The following HMGN3 variants were observed in gnomAD, a reference collection of about 807,000 sequenced individuals.
HMGN3 encodes the protein high mobility group nucleosomal binding domain 3.
A neutral mutation model predicts 18.8 loss-of-function variants in HMGN3; 6 were observed. The ratio of observed to expected loss-of-function variants is 0.32; its 90% confidence interval spans 0.18 to 0.63. The LOEUF (loss-of-function observed/expected upper bound fraction) is 0.63. Among genes scored for constraint, HMGN3 ranks in the 30% least tolerant of loss-of-function variants. HMGN3 has a pLI of 0.79. For synonymous variants in HMGN3, 40 were observed against 36.5 expected (o/e 1.10, Z -0.35); for missense variants, 107 against 114.2 (o/e 0.94, Z 0.29).
intron 1 of HMGN3, among the ~76,000 whole-genome samples, chr6:79,221,881 T>C (rs1287808728): frequency 1.3e-5 from 2 of 151,940 alleles, no homozygotes; most frequent in Middle Eastern, 3.4e-3. Context: ...AAAACCTTCA[T>C]TGGTACATGT....
intron 5 of HMGN3, chr6:79,202,106 G>A: frequency 6.5e-7 from 1 of 1,541,494 alleles, no homozygotes; most frequent in Non-Finnish European, 8.7e-7. Context: ...TGTGCTGGGT[G>A]GGGTGCCTCT....
chr6:79,217,547 T>G (rs186028582), intron 1 of HMGN3, among the ~76,000 whole-genome samples: 3 of 152,340 alleles, frequency 2.0e-5, no homozygotes, highest in Non-Finnish European at 4.4e-5. Context: ...GTCTTCTAAA[T>G]TATACAGTAT....
At chr6:79,232,502 G>A (rs964727245) in intron 1 of HMGN3, among the ~76,000 whole-genome samples, 1 of 152,110 alleles carries the variant, frequency 6.6e-6, no homozygotes, top group Non-Finnish European at 1.5e-5. Flanking sequence ...CCTGTACACA[G>A]TTTTGCCCCT....
At chr6:79,222,973 A>C (rs888482974) in intron 1 of HMGN3, among the ~76,000 whole-genome samples, 7 of 152,252 alleles carry the variant, frequency 4.6e-5, no homozygotes, top group Admixed American at 4.6e-4. Context: ...TTTCTCTTGC[A>C]ATCAGATATA....
At chr6:79,203,521 A>G in intron 4 of HMGN3, 59 bp downstream of exon 4, 1 of 1,285,036 alleles carries the variant, frequency 7.8e-7, no homozygotes, top group Non-Finnish European at 1.1e-6. Flanking sequence ...ATTCTGAGGT[A>G]GGGAATTATA....
At chr6:79,217,952 G>A (rs560715684) in intron 1 of HMGN3, among the ~76,000 whole-genome samples, 94 of 152,320 alleles carry the variant, frequency 6.2e-4, no homozygotes, top group Middle Eastern at 3.4e-3. Flanking sequence ...AGGCAAAGGG[G>A]GCTCTTGCCC....
chr6:79,225,432 G>A (rs1011395968), intron 1 of HMGN3, among the ~76,000 whole-genome samples: 6 of 152,120 alleles, frequency 3.9e-5, no homozygotes, highest in East Asian at 3.8e-4. Context: ...TAGGTCCAGT[G>A]GATTTTCCTA....
At chr6:79,224,434 C>A (rs1777459984) in intron 1 of HMGN3, among the ~76,000 whole-genome samples, 1 of 152,138 alleles carries the variant, frequency 6.6e-6, no homozygotes, top group South Asian at 2.1e-4. Flanking sequence ...ATTCATGAGC[C>A]TCTTGAAATA....
At chr6:79,220,978 C>T (rs578187466) in intron 1 of HMGN3, among the ~76,000 whole-genome samples, 13 of 151,914 alleles carry the variant, frequency 8.6e-5, no homozygotes, top group African/African-American at 3.1e-4. Flanking sequence ...TTAAAAGACT[C>T]CAATTTGTGA....
chr6:79,222,330 G>A (rs1777343125), intron 1 of HMGN3, among the ~76,000 whole-genome samples: 1 of 152,086 alleles, frequency 6.6e-6, no homozygotes, highest in East Asian at 1.9e-4. Flanking sequence ...TGGTTAAAAA[G>A]AAAACCACTA....
intron 1 of HMGN3, among the ~76,000 whole-genome samples, chr6:79,216,196 A>G (rs1331127157): frequency 1.3e-5 from 2 of 152,238 alleles, no homozygotes; most frequent in Middle Eastern, 3.2e-3. Flanking sequence ...GGACTCAGAA[A>G]AAGAAACTCT....
At chr6:79,201,752 C>T (rs374045554) in intron 5 of HMGN3, 26 bp from the exon 7 acceptor site, 2 of 1,596,956 alleles carry the variant, frequency 1.3e-6, no homozygotes, top group Non-Finnish European at 1.7e-6. Flanking sequence ...GAAAAAAAAA[C>T]ATATAGTTAC....
intron 1 of HMGN3, among the ~76,000 whole-genome samples, chr6:79,229,537 T>C (rs553162497): frequency 2.0e-5 from 3 of 152,312 alleles, no homozygotes; most frequent in African/African-American, 7.2e-5. Flanking sequence ...TATGTTGAAA[T>C]TAGAACGCAT....
exon 5 of HMGN3, chr6:79,202,371 T>C (rs1226632182): frequency 1.2e-6 from 2 of 1,613,634 alleles, no homozygotes; most frequent in Non-Finnish European, 8.5e-7. Flanking sequence ...CCTCTGCTAA[T>C]CTTTGCTCCA....
At chr6:79,215,162 T>G in intron 1 of HMGN3, 140 bp from the exon 2 acceptor site, 1 of 597,274 alleles carries the variant, frequency 1.7e-6, no homozygotes. Flanking sequence ...TACAACAGGG[T>G]ATGTCTTTTA....
intron 1 of HMGN3, among the ~76,000 whole-genome samples, chr6:79,233,268 T>C (rs900760647): frequency 1.3e-5 from 2 of 152,226 alleles, no homozygotes; most frequent in Non-Finnish European, 2.9e-5. Flanking sequence ...AGGGACACAG[T>C]ATGTGCACAA....
intron 3 of HMGN3, among the ~76,000 whole-genome samples, chr6:79,205,351 G>C (rs1306838076): frequency 1.3e-5 from 2 of 152,196 alleles, no homozygotes; most frequent in Non-Finnish European, 2.9e-5. Context: ...GAGGAACCCA[G>C]TGGGAGGTGA....
At position 79,204,132 on chromosome 6, in the gene HMGN3, C is replaced by T. The variant is rs553934896; in HGVS notation, c.97-502G>A. The stretch of plus-strand genomic sequence containing the variant: ...ATCCTTCCACTTCTAATGTAGATTT[C>T]GAGTTCTGTTGCCAAGCTTCTTCCT... On this transcript the variant is annotated intron_variant, in intron 3 of 5. Transcript: ENST00000344726. Among the ~76,000 whole-genome samples, 4 of 152,304 alleles carry T rather than the reference C, an allele frequency of 2.6e-5. No homozygotes were observed. The South Asian group carries it at 6.2e-4, about 24-fold the overall frequency.
At chr6:79,221,145 T>C (rs1194277861) in intron 1 of HMGN3, among the ~76,000 whole-genome samples, 2 of 152,234 alleles carry the variant, frequency 1.3e-5, no homozygotes, top group Admixed American at 1.3e-4. Context: ...TACTCCCTAA[T>C]ACAAATTACA....
Sources: gnomAD v4.1 joint callset for allele counts (sites outside exome capture counted in the v4.1 genomes callset) on GRCh38, gnomAD v4.1.1 for gene constraint, MANE v1.5 for transcripts, NCBI Gene and HGNC (gene_info 2026-07-23, HGNC 2026-07-21) for gene names.